The following SV2C variants were observed in gnomAD, a reference collection of about 807,000 sequenced individuals.
SV2C encodes solute carrier family 22 member B3.
In SV2C, 49 loss-of-function variants were observed where a neutral mutation model predicts 79.7. The observed-to-expected ratio is 0.61, with a 90% CI of 0.49 to 0.78. The LOEUF is 0.78. Ranked by LOEUF, SV2C falls within the 30% of genes least tolerant of loss-of-function variation. The pLI, the probability that SV2C is intolerant of heterozygous loss-of-function variation, is 0.00. For missense variants in SV2C, 833 were observed against 912.9 expected (o/e 0.91, Z 1.13); for synonymous variants, 334 against 333.2 (o/e 1.00, Z -0.03).
chr5:75,968,045 G>A, the SV2C span, among the ~76,000 whole-genome samples: 2 of 152,188 alleles, frequency 1.3e-5, no homozygotes, highest in Admixed American at 6.5e-5. Flanking sequence ...CACCGCTGCT[G>A]ATACCCAGGC....
At chr5:76,155,852 G>A (rs1288323933) in intron 2 of SV2C, among the ~76,000 whole-genome samples, 1 of 147,782 alleles carries the variant, frequency 6.8e-6, no homozygotes, top group Admixed American at 6.9e-5. Context: ...GGAGAAGTAG[G>A]TTGTAAAACA....
At chr5:76,262,626 TTGTC>T (rs966503130) in intron 4 of SV2C, among the ~76,000 whole-genome samples, 4 of 152,230 alleles carry the variant, frequency 2.6e-5, no homozygotes, top group Admixed American at 2.6e-4. Flanking sequence ...TTCTGGTACA[TTGTC>T]TGTTTATTCT....
rs890125520 is a variant in SV2C at position 76,193,770 on chromosome 5, G to A, written c.581-1149G>A. ...AAACATCATTTCACAACCCTGGCTA[G>A]CCACTTACTGTCTGTTAGATCAAGT... is the stretch of plus-strand genomic sequence containing the variant. On this transcript the variant is annotated intron_variant, in intron 2 of 12. Coordinates refer to ENST00000502798, the MANE Select transcript of SV2C (RefSeq NM_014979.4). Among the ~76,000 whole-genome samples the A allele has an allele frequency of 3.3e-5, 5 of 152,138 alleles. No individual in the cohort carries two copies. The South Asian group carries it at 6.2e-4, about 19-fold the overall frequency.
At chr5:76,120,141 T>C (rs961925529) in intron 1 of SV2C, among the ~76,000 whole-genome samples, 1 of 152,144 alleles carries the variant, frequency 6.6e-6, no homozygotes, top group Non-Finnish European at 1.5e-5. Context: ...ACAATTATAA[T>C]GTGTCAAAAA....
chr5:76,104,959 C>G (rs1327819667), intron 1 of SV2C, among the ~76,000 whole-genome samples: 1 of 152,216 alleles, frequency 6.6e-6, no homozygotes, highest in African/African-American at 2.4e-5. Context: ...GTTGCAGAAG[C>G]TGTCTCTATG....
the SV2C span, among the ~76,000 whole-genome samples, chr5:75,913,795 G>A: frequency 6.6e-6 from 1 of 152,068 alleles, no homozygotes; most frequent in Non-Finnish European, 1.5e-5. Context: ...AAAAGATTCT[G>A]GATTCTTCTC....
intron 1 of SV2C, among the ~76,000 whole-genome samples, chr5:76,110,226 G>A (rs565873213): frequency 6.6e-6 from 1 of 152,298 alleles, no homozygotes; most frequent in African/African-American, 2.4e-5. Flanking sequence ...AGAAGGGCTG[G>A]TGGGGGCAGA....
the SV2C span, among the ~76,000 whole-genome samples, chr5:75,966,740 C>T: frequency 6.6e-6 from 1 of 152,218 alleles, no homozygotes; most frequent in Admixed American, 6.5e-5. Flanking sequence ...TCTGACACTT[C>T]AATAAACCTG....
At chr5:76,248,355 G>A (rs1358325898) in intron 4 of SV2C, among the ~76,000 whole-genome samples, 1 of 152,158 alleles carries the variant, frequency 6.6e-6, no homozygotes, top group Admixed American at 6.5e-5. Context: ...TTAGATGGTT[G>A]CCTTCTTGCT....
At chr5:76,082,500 TTCTC>T (rs988261400), upstream of SV2C, 2 of 150,662 alleles carry the variant, frequency 1.3e-5, no homozygotes, top group East Asian at 2.0e-4. Context: ...ACAAGCAAAA[TTCTC>T]TCTCTCTCTC....
the SV2C span, among the ~76,000 whole-genome samples, chr5:75,867,845 T>A: frequency 1.3e-5 from 2 of 152,222 alleles, no homozygotes; most frequent in Non-Finnish European, 2.9e-5. Context: ...GAGGGTGAGA[T>A]CTGCGATTCA....
chr5:75,984,612 TATCTATCTATC>T, the SV2C span, among the ~76,000 whole-genome samples: 2 of 146,260 alleles, frequency 1.4e-5, no homozygotes, highest in East Asian at 1.9e-4. Context: ...TCTATCTATC[TATCTATCTATC>T]ATCTATCTGT....
chr5:76,231,643 T>G (rs1200568542), intron 4 of SV2C, among the ~76,000 whole-genome samples: 2 of 141,278 alleles, frequency 1.4e-5, no homozygotes, highest in Non-Finnish European at 3.0e-5. Context: ...TGTGTCCATG[T>G]GATCTCATTG....
intron 4 of SV2C, among the ~76,000 whole-genome samples, chr5:76,255,763 G>A (rs1746242980): frequency 6.6e-6 from 1 of 152,108 alleles, no homozygotes; most frequent in African/African-American, 2.4e-5. Context: ...CTCAGGTTCT[G>A]CTGAGCCACT....
the SV2C span, among the ~76,000 whole-genome samples, chr5:75,965,409 C>T: frequency 7.2e-5 from 11 of 152,072 alleles, no homozygotes; most frequent in Non-Finnish European, 1.3e-4. Context: ...GTCATTAGGG[C>T]GAGTCATTGT....
chr5:76,199,578 T>A (rs1744373675), intron 3 of SV2C, among the ~76,000 whole-genome samples: 1 of 152,184 alleles, frequency 6.6e-6, no homozygotes, highest in Admixed American at 6.5e-5. Context: ...TCCACCAGCA[T>A]GTAAATTCCA....
chr5:76,187,570 C>A lies in SV2C; in HGVS notation c.581-7349C>A, dbSNP rs542442996. Reference sequence around the variant, plus strand: ...CATGCAAATTAGAAAGGTTTTCCCCCCTTTGTACATATGCCTTTGATGTTA... The same window carrying A: ...CATGCAAATTAGAAAGGTTTTCCCCACTTTGTACATATGCCTTTGATGTTA... On this transcript the variant is annotated intron_variant, in intron 2 of 12. Coordinates refer to ENST00000502798, the MANE Select transcript of SV2C (RefSeq NM_014979.4). 1.1e-4 allele frequency among the ~76,000 whole-genome samples: 17 copies of A among 152,102 alleles called. No homozygotes were observed. In the Middle Eastern group the frequency reaches 0.017, roughly 152 times the overall value.
chr5:76,068,510 A>G, the SV2C span, among the ~76,000 whole-genome samples: 1 of 151,958 alleles, frequency 6.6e-6, no homozygotes, highest in African/African-American at 2.4e-5. Context: ...GTGTGTGTGC[A>G]TGTGTGTGTT....
At chr5:75,911,612 A>C in the SV2C span, 3 of 699,018 alleles carry the variant, frequency 4.3e-6, no homozygotes, top group Non-Finnish European at 5.4e-6. Flanking sequence ...AGAACTCCTG[A>C]GGTCAAAGAA....
Sources: gnomAD v4.1 joint callset for allele counts (sites outside exome capture counted in the v4.1 genomes callset) on GRCh38, gnomAD v4.1.1 for gene constraint, MANE v1.5 for transcripts, NCBI Gene and HGNC (gene_info 2026-07-23, HGNC 2026-07-21) for gene names.